Variants in IL2RA observed in about 807,000 individuals in gnomAD.
IL2RA encodes interleukin-2 receptor subunit alpha.
In IL2RA, 24 loss-of-function variants were observed where a neutral mutation model predicts 37.8. That is an observed-to-expected ratio of 0.63 (90% CI 0.46 to 0.89). The LOEUF is 0.89. IL2RA is among the 40% of genes least tolerant of loss of function. The probability of loss-of-function intolerance (pLI) is 0.00; values close to 1 mark genes in which losing one functional copy is unlikely to be tolerated. For synonymous variants in IL2RA, 125 were observed against 114.6 expected (o/e 1.09, Z -0.58); for missense variants, 319 against 348.6 (o/e 0.92, Z 0.68).
Position 6,047,099 on chromosome 10 carries a change from T to C in IL2RA, c.64+14989A>G, listed in dbSNP as rs1839874102. Among the ~76,000 whole-genome samples, 1 of 152,184 alleles carries C rather than the reference T, an allele frequency of 6.6e-6. No individual in the cohort carries two copies. The highest frequency in any genetic ancestry group is 1.5e-5 in the Non-Finnish European group (1 of 68,030). On this transcript the variant is annotated intron_variant, in intron 1 of 7. Coordinates refer to ENST00000379959, the MANE Select transcript of IL2RA (RefSeq NM_000417.3). The surrounding 1 kb of genome is among the most constrained non-coding windows in gnomAD (Gnocchi z 5.0). ...TCTCTGCATGCTTGCATGGAGAACA[T>C]GCATTGTCCAAGGACCCTCAAATCC...
chr10:6,049,693 A>G (rs1839917679), intron 1 of IL2RA, among the ~76,000 whole-genome samples: 1 of 152,104 alleles, frequency 6.6e-6, no homozygotes, highest in Non-Finnish European at 1.5e-5. Context: ...CACTCACCCT[A>G]CTGTATCCAT....
rs1418405423 is a variant in IL2RA at position 6,029,730 on chromosome 10, A to T, written c.65-3705T>A. The stretch of plus-strand genomic sequence containing the variant: ...CTTGTAATTTTTTTTTTTGAGATGG[A>T]GTCTTGCTCTGTTGCCCAGGCTGGA... On this transcript the variant is annotated intron_variant, in intron 1 of 7. Coordinates refer to ENST00000379959, the MANE Select transcript of IL2RA (RefSeq NM_000417.3). This position sits in a 1 kb window ranked among gnomAD's most constrained non-coding sequence, Gnocchi z 4.6. Among the ~76,000 whole-genome samples, 2 of 151,398 alleles carry T rather than the reference A, an allele frequency of 1.3e-5. No individual in the cohort carries two copies. The highest frequency in any genetic ancestry group is 4.9e-5 in the African/African-American group (2 of 41,170).
intron 1 of IL2RA, among the ~76,000 whole-genome samples, chr10:6,042,697 A>G (rs1589305708): frequency 1.3e-5 from 2 of 152,216 alleles, no homozygotes; most frequent in African/African-American, 2.4e-5. Context: ...CAACAACCCA[A>G]TAAAAATAGG....
In IL2RA at chr10:6,018,168, G is replaced by GGGGCA; in HGVS notation, c.728-54_728-50dup. The GGGGCA allele has an allele frequency of 6.7e-7, 1 of 1,485,954 alleles. No homozygotes were observed. The highest frequency in any genetic ancestry group is 1.1e-5 in the South Asian group (1 of 87,742). 92.0% of individuals were successfully genotyped at this position (1,485,954 alleles called of 1,614,324 possible). A position where few individuals can be genotyped will look rare whatever the true frequency, so the allele number is the denominator to read the frequency against. ...AGCAAAGGGCCCTGGGCTTGGCATG[G>GGGGCA]GGGCAGCAGGAGCCAGGGCCACAGG... On this transcript the variant is annotated intron_variant, in intron 6 of 7. Coordinates refer to ENST00000379959, the MANE Select transcript of IL2RA (RefSeq NM_000417.3). The surrounding 1 kb of genome is among the most constrained non-coding windows in gnomAD (Gnocchi z 5.1).
intron 1 of IL2RA, among the ~76,000 whole-genome samples, chr10:6,032,310 A>G (rs2132869303): frequency 2.6e-5 from 4 of 152,342 alleles, no homozygotes; most frequent in Admixed American, 2.6e-4. Flanking sequence ...CAAGTTGGAG[A>G]TAGGCAAAGA....
chr10:6,021,197 T>C lies in IL2RA; in HGVS notation c.583+281A>G, dbSNP rs755300528. 2.8e-4 allele frequency among the ~76,000 whole-genome samples: 43 copies of C among 152,104 alleles called. No homozygotes were observed. The highest frequency in any genetic ancestry group is 5.0e-4 in the Non-Finnish European group (34 of 68,010). On this transcript the variant is annotated intron_variant, in intron 4 of 7. Transcript: ENST00000379959. The surrounding 1 kb of genome is among the most constrained non-coding windows in gnomAD (Gnocchi z 4.9). The stretch of plus-strand genomic sequence containing the variant: ...ACTTAGGACCAACTACGAGGCAGCA[T>C]CTAGGGTGCTTAGGAGAGGGCTTTC...
chr10:6,034,003 T>C (rs1331678217), intron 1 of IL2RA, among the ~76,000 whole-genome samples: 1 of 152,216 alleles, frequency 6.6e-6, no homozygotes, highest in Non-Finnish European at 1.5e-5. Flanking sequence ...ATCTGAGATG[T>C]CAATCACAAG....
rs1232381897 is a variant in IL2RA, at chr10:6,024,352, T to C, written c.259A>G (p.Thr87Ala). 6.2e-7 allele frequency: 1 copy of C among 1,605,364 alleles called. No individual in the cohort carries two copies. The change falls in exon 3 of 8, where the codon ACT becomes GCT. Residue 87 changes from threonine to alanine, a missense_variant and splice_region_variant. Coordinates refer to ENST00000379959, the MANE Select transcript of IL2RA (RefSeq NM_000417.3). ...DNQCQCTSSA[T>A]RNTTKQVTPQ... ...GTCACTTGTTTCGTTGTGTTCCGAG[T>C]GGCTAGAAAATATAGATGGAATGAT... is the stretch of plus-strand genomic sequence containing the variant.
intron 1 of IL2RA, among the ~76,000 whole-genome samples, chr10:6,031,496 A>ATATATATATATATG (rs1564546006): frequency 6.0e-5 from 4 of 66,594 alleles, no homozygotes; most frequent in African/African-American, 2.2e-4. Flanking sequence ...ATATATATGT[A>ATATATATATATATG]TATATATATA....
rs918244959 is a variant in IL2RA at position 6,018,126 on chromosome 10, A to G, written c.728-7T>C. 2.5e-6 allele frequency: 4 copies of G among 1,613,370 alleles called. No homozygotes were observed. The highest frequency in any genetic ancestry group is 1.1e-5 in the South Asian group (1 of 91,042). On this transcript the variant is annotated splice_polypyrimidine_tract_variant and splice_region_variant and intron_variant, in intron 6 of 7. Transcript: ENST00000379959. This position sits in a 1 kb window ranked among gnomAD's most constrained non-coding sequence, Gnocchi z 5.1. The stretch of plus-strand genomic sequence containing the variant: ...AGGAAAACACAGCCGGCCACTGTCA[A>G]TAGAGAGAGGGAGTTCAGCAAAGGG...
In IL2RA at chr10:6,025,724, G is replaced by C; in HGVS notation, c.256+110C>G. The C allele has an allele frequency of 9.9e-7, 1 of 1,008,812 alleles. No individual in the cohort carries two copies. Among genetic ancestry groups the C allele is most frequent in the Non-Finnish European group, 1.6e-6 (1 of 640,856 alleles). 62.5% of individuals were successfully genotyped at this position (1,008,812 alleles called of 1,614,324 possible). A position where few individuals can be genotyped will look rare whatever the true frequency, so the allele number is the denominator to read the frequency against. ...AACCACTAAAATTAGTTATCCTGTA[G>C]ACTGGACTGGCCCATTTGTGTCTAT... On this transcript the variant is annotated intron_variant, in intron 2 of 7. Coordinates refer to ENST00000379959, the MANE Select transcript of IL2RA (RefSeq NM_000417.3). The surrounding 1 kb of genome is among the most constrained non-coding windows in gnomAD (Gnocchi z 4.4).
chr10:6,061,072 G>A (rs984096819), intron 1 of IL2RA, among the ~76,000 whole-genome samples: 3 of 152,150 alleles, frequency 2.0e-5, no homozygotes, highest in Non-Finnish European at 2.9e-5. Flanking sequence ...TGAGGTAGAA[G>A]TTGGTGGTTT....
chr10:6,049,137 T>C (rs1472523717), intron 1 of IL2RA, among the ~76,000 whole-genome samples: 1 of 152,350 alleles, frequency 6.6e-6, no homozygotes, highest in East Asian at 1.9e-4. Context: ...CTAGGAAAGC[T>C]GGTGGTGTGG....
chr10:6,041,134 T>C (rs79455173), intron 1 of IL2RA, among the ~76,000 whole-genome samples: 1 of 151,422 alleles, frequency 6.6e-6, no homozygotes, highest in Non-Finnish European at 1.5e-5. Flanking sequence ...TTTTTTTTTT[T>C]TGAGACGGAG....
At chr10:6,026,176 C>T in intron 1 of IL2RA, 151 bp from the exon 2 acceptor site, 1 of 782,516 alleles carries the variant, frequency 1.3e-6, no homozygotes, top group East Asian at 2.7e-5. Flanking sequence ...AAGGCTGCTA[C>T]CATTGTTCTT....
At chr10:6,013,949 G>A (rs1039521652) in intron 7 of IL2RA, among the ~76,000 whole-genome samples, 14 of 149,312 alleles carry the variant, frequency 9.4e-5, no homozygotes, top group African/African-American at 2.2e-4. Context: ...CTCCCACCTC[G>A]CCCTTACCAG....
chr10:6,026,487 G>A (rs1051833565), intron 1 of IL2RA, among the ~76,000 whole-genome samples: 1 of 152,158 alleles, frequency 6.6e-6, no homozygotes, highest in East Asian at 1.9e-4. Context: ...TACAGAAAGT[G>A]CTTCACTCAA....
intron 1 of IL2RA, among the ~76,000 whole-genome samples, chr10:6,041,275 C>T (rs1247834376): frequency 3.3e-5 from 5 of 152,016 alleles, no homozygotes; most frequent in Admixed American, 3.3e-4. Flanking sequence ...CGATCACGCC[C>T]AGCTAATTTT....
rs1554830121 is a variant in IL2RA at position 6,031,484 on chromosome 10, ATATATATATG to A, written c.65-5469_65-5460del. Among the ~76,000 whole-genome samples the A allele has an allele frequency of 2.6e-3, 95 of 36,910 alleles. 2 individuals carry two copies. The highest frequency in any genetic ancestry group is 3.9e-3 in the African/African-American group (32 of 8,286). The allele number at this position is 36,910 out of a possible 152,430, so 24.2% of individuals were successfully genotyped here. ...TATATATATATATATATATATATAT[ATATATATATG>A]TATATATATATATATATGTATATAT... On this transcript the variant is annotated intron_variant, in intron 1 of 7. Transcript: ENST00000379959.
Sources: allele counts gnomAD v4.1 joint callset (sites outside exome capture counted in the v4.1 genomes callset), GRCh38; gene constraint gnomAD v4.1.1; non-coding constraint Gnocchi (gnomAD v3.1); transcripts MANE v1.5; gene names NCBI Gene and HGNC (gene_info 2026-07-23, HGNC 2026-07-21).